SETBP1: variants seen among roughly 807,000 people sequenced by gnomAD.
The protein encoded by SETBP1 is SET binding protein 1.
In SETBP1, 9 loss-of-function variants were observed where a neutral mutation model predicts 101.0. The ratio of observed to expected loss-of-function variants is 0.09; its 90% CI spans 0.05 to 0.16. The LOEUF (loss-of-function observed/expected upper bound fraction) is 0.16, where lower values mean the gene tolerates loss of function less well. SETBP1 is among the 10% of genes least tolerant of loss of function. The pLI is 1.00. For missense variants in SETBP1, 1,858 were observed against 2,033.8 expected (o/e 0.91, Z 1.66); for synonymous variants, 818 against 788.5 (o/e 1.04, Z -0.63).
intron 3 of SETBP1, among the ~76,000 whole-genome samples, chr18:44,925,769 A>G (rs1231696676): frequency 6.6e-6 from 1 of 152,176 alleles, no homozygotes; most frequent in Non-Finnish European, 1.5e-5. Flanking sequence ...CTCCATTTAT[A>G]TAGTTTTTTT....
intron 4 of SETBP1, among the ~76,000 whole-genome samples, chr18:45,032,701 G>A (rs544685745): frequency 3.9e-5 from 6 of 152,200 alleles, no homozygotes; most frequent in South Asian, 4.2e-4. Flanking sequence ...TGGGGTTCAC[G>A]TGCACACAGA....
At chr18:44,985,127 A>T (rs946908482) in intron 4 of SETBP1, among the ~76,000 whole-genome samples, 1 of 152,116 alleles carries the variant, frequency 6.6e-6, no homozygotes, top group African/African-American at 2.4e-5. Context: ...GGCGACAGAG[A>T]CTGTCGCCTT....
At chr18:45,047,869 G>A (rs2073643366) in intron 5 of SETBP1, among the ~76,000 whole-genome samples, 1 of 151,986 alleles carries the variant, frequency 6.6e-6, no homozygotes, top group South Asian at 2.1e-4. Flanking sequence ...GAGAGAGAGA[G>A]ATCACTCACC....
In SETBP1 at chr18:44,805,431, T is replaced by TGG. The variant is rs1364629440; in HGVS notation, c.487-63798_487-63797insGG. 5.1e-4 allele frequency among the ~76,000 whole-genome samples: 78 copies of TGG among 151,534 alleles called. 1 individual carries two copies. Among genetic ancestry groups the TGG allele is most frequent in the African/African-American group, 1.8e-3 (73 of 41,106 alleles). On this transcript the variant is annotated intron_variant, in intron 2 of 5. Transcript: ENST00000649279. ...GTGTGTGTGTGTGTGTGTGTGTGTG[T>TGG]GTGGGTGTGTTTGTACGTGTACTTC...
rs371961244 is a variant in SETBP1, at chr18:44,939,288, C to T, written c.541-10593C>T. Among the ~76,000 whole-genome samples the T allele has an allele frequency of 3.2e-4, 39 of 120,840 alleles. No individual in the cohort carries two copies. The South Asian group carries it at 8.9e-3, about 28-fold the overall frequency. The allele number at this position is 120,840 out of a possible 152,430, so 79.3% of individuals were successfully genotyped here. ...CCTGGAAGCAACCACTGTTCTGACA[C>T]CTATCATAATAGATTTGTTTTGCCT... On this transcript the variant is annotated intron_variant, in intron 3 of 5. Coordinates refer to ENST00000649279, the MANE Select transcript of SETBP1 (RefSeq NM_015559.3).
chr18:44,976,708 T>G (rs1443388225), intron 4 of SETBP1, among the ~76,000 whole-genome samples: 1 of 152,200 alleles, frequency 6.6e-6, no homozygotes, highest in Non-Finnish European at 1.5e-5. Flanking sequence ...ACTAGCTGGA[T>G]GATATGGGTG....
At chr18:44,730,448 G>A (rs1235016538) in intron 2 of SETBP1, among the ~76,000 whole-genome samples, 1 of 152,180 alleles carries the variant, frequency 6.6e-6, no homozygotes, top group African/African-American at 2.4e-5. Context: ...ATGTAGATGG[G>A]GTGGTATGCA....
At chr18:44,816,517 C>G in intron 2 of SETBP1, among the ~76,000 whole-genome samples, 1 of 152,174 alleles carries the variant, frequency 6.6e-6, no homozygotes, top group East Asian at 1.9e-4. Flanking sequence ...ATTCCCCTAC[C>G]TCTGCCTTTA....
intron 3 of SETBP1, among the ~76,000 whole-genome samples, chr18:44,922,816 T>C (rs1026144146): frequency 5.3e-5 from 8 of 152,162 alleles, no homozygotes; most frequent in African/African-American, 1.9e-4. Flanking sequence ...TCTAATTACA[T>C]GGCGCAGGTT....
intron 2 of SETBP1, among the ~76,000 whole-genome samples, chr18:44,819,869 C>G (rs900213322): frequency 2.0e-5 from 3 of 152,100 alleles, no homozygotes; most frequent in African/African-American, 7.2e-5. Context: ...CTCTTGAAGA[C>G]AAGGCAAATT....
intron 2 of SETBP1, among the ~76,000 whole-genome samples, chr18:44,868,704 AAGGAAGGG>A (rs199863202): frequency 0.16 from 1,094 of 6,876 alleles, 92 homozygotes; most frequent in African/African-American, 0.31. Context: ...GAGAGGACGG[AAGGAAGGG>A]AGGAAGGAAG....
chr18:44,701,425 C>T lies in SETBP1; in HGVS notation c.79C>T (p.Pro27Ser), dbSNP rs751389887. The change falls in exon 2 of 6, where the codon CCC becomes TCC. Residue 27 changes from proline to serine, a missense_variant. This residue lies in a region of SETBP1 where 97 missense variants were observed against 101.2 expected (regional missense o/e 0.96). Transcript: ENST00000649279. ...SDFLPVSSAK[P>S]PAAPGCAGEP... Reference sequence around the variant, plus strand: ...CTTCCTGCCGGTCTCCTCAGCCAAGCCCCCAGCTGCTCCTGGCTGTGCAGG... The same window carrying T: ...CTTCCTGCCGGTCTCCTCAGCCAAGTCCCCAGCTGCTCCTGGCTGTGCAGG... The T allele has an allele frequency of 5.0e-6, 8 of 1,599,430 alleles. No individual in the cohort carries two copies. The Middle Eastern group carries it at 6.6e-4, about 133-fold the overall frequency.
intron 2 of SETBP1, among the ~76,000 whole-genome samples, chr18:44,815,260 G>A (rs1005175359): frequency 6.6e-6 from 1 of 152,216 alleles, no homozygotes; most frequent in Non-Finnish European, 1.5e-5. Flanking sequence ...AAGTTAGACC[G>A]CACACAGTCT....
At chr18:44,868,472 A>G (rs1029250606) in intron 2 of SETBP1, among the ~76,000 whole-genome samples, 3 of 152,130 alleles carry the variant, frequency 2.0e-5, no homozygotes, top group Non-Finnish European at 4.4e-5. Flanking sequence ...AGGCAGGCGT[A>G]TCACCTGATG....
intron 4 of SETBP1, among the ~76,000 whole-genome samples, chr18:44,984,489 C>T (rs912449235): frequency 6.6e-6 from 1 of 152,144 alleles, no homozygotes; most frequent in Non-Finnish European, 1.5e-5. Context: ...CGGTAATGCT[C>T]ACTCCTCCTG....
chr18:44,880,257 G>T (rs527749661), intron 3 of SETBP1, among the ~76,000 whole-genome samples: 1 of 152,202 alleles, frequency 6.6e-6, no homozygotes, highest in Non-Finnish European at 1.5e-5. Flanking sequence ...TGGGGCATTG[G>T]GGGAGTGAGA....
intron 1 of SETBP1, among the ~76,000 whole-genome samples, chr18:44,695,780 A>G (rs1487368375): frequency 6.6e-6 from 1 of 152,126 alleles, no homozygotes; most frequent in Non-Finnish European, 1.5e-5. Context: ...AGGAGCATGG[A>G]GTTCTACTAC....
chr18:44,983,878 G>A (rs1340972529), intron 4 of SETBP1, among the ~76,000 whole-genome samples: 1 of 152,144 alleles, frequency 6.6e-6, no homozygotes, highest in Admixed American at 6.5e-5. Context: ...TGTTGTTCCT[G>A]ACCTGGCCAT....
intron 2 of SETBP1, among the ~76,000 whole-genome samples, chr18:44,823,679 G>A (rs546098286): frequency 6.6e-6 from 1 of 152,258 alleles, no homozygotes; most frequent in East Asian, 1.9e-4. Context: ...GGGCTTTTGT[G>A]CAATAAAGAA....
Sources: gnomAD v4.1 joint callset for allele counts (sites outside exome capture counted in the v4.1 genomes callset) on GRCh38, gnomAD v4.1.1 for gene constraint, gnomAD v4.1.1 regional missense constraint, MANE v1.5 for transcripts, NCBI Gene and HGNC (gene_info 2026-07-23, HGNC 2026-07-21) for gene names.